IDE: variants seen among roughly 807,000 people sequenced by gnomAD.
IDE encodes the protein insulin-degrading enzyme.
A neutral mutation model predicts 133.2 loss-of-function variants in IDE; 58 were observed. The observed-to-expected ratio is 0.44, with a 90% CI of 0.35 to 0.54. The LOEUF is 0.54. Among genes scored for constraint, IDE ranks in the 20% least tolerant of loss-of-function variants. The probability of loss-of-function intolerance (pLI) is 0.00; values close to 1 mark genes in which losing one functional copy is unlikely to be tolerated. For synonymous variants in IDE, 396 were observed against 421.3 expected (o/e 0.94, Z 0.73); for missense variants, 981 against 1,234.0 (o/e 0.79, Z 3.07).
At chr10:92,508,678 G>C in intron 7 of IDE, 50 bp downstream of exon 7, 1 of 1,537,112 alleles carries the variant, frequency 6.5e-7, no homozygotes, top group South Asian at 1.1e-5. Flanking sequence ...ATGAGAGCCA[G>C]AGTGAAAAGA....
chr10:92,560,792 A>G (rs957650865), intron 1 of IDE, among the ~76,000 whole-genome samples: 1 of 151,844 alleles, frequency 6.6e-6, no homozygotes, highest in African/African-American at 2.4e-5. Context: ...CAAAAAAAAA[A>G]AAAGATTGAG....
chr10:92,472,929 G>A (rs1336854956), intron 17 of IDE, among the ~76,000 whole-genome samples: 2 of 141,468 alleles, frequency 1.4e-5, no homozygotes, highest in African/African-American at 5.3e-5. Context: ...GAGCCACCAT[G>A]CCCAGCCCAG....
intron 1 of IDE, among the ~76,000 whole-genome samples, chr10:92,541,962 C>G (rs1393213058): frequency 2.0e-5 from 3 of 152,146 alleles, no homozygotes; most frequent in African/African-American, 7.2e-5. Flanking sequence ...TGCCCAAGAT[C>G]ATACAACAAA....
rs150703862 is a variant in IDE, at chr10:92,534,981, C to T, written c.284-196G>A. ...ACTGGTTTCTAGTGCCTGCTCTTGA[C>T]GCTAATTAGTTGGTAACCTCAGGCA... is the stretch of plus-strand genomic sequence containing the variant. On this transcript the variant is annotated intron_variant, in intron 2 of 24. Coordinates refer to ENST00000265986, the MANE Select transcript of IDE (RefSeq NM_004969.4). 7.6e-3 allele frequency among the ~76,000 whole-genome samples: 1,154 copies of T among 152,266 alleles called. 16 individuals are homozygous for T. The highest frequency in any genetic ancestry group is 0.027 in the African/African-American group (1,102 of 41,544).
intron 11 of IDE, among the ~76,000 whole-genome samples, chr10:92,491,211 A>G (rs1033124873): frequency 6.6e-6 from 1 of 151,742 alleles, no homozygotes; most frequent in Non-Finnish European, 1.5e-5. Flanking sequence ...GCACTCTAGC[A>G]TGGGTGACAA....
intron 1 of IDE, among the ~76,000 whole-genome samples, chr10:92,544,506 G>A (rs997871621): frequency 6.6e-6 from 1 of 152,196 alleles, no homozygotes; most frequent in Non-Finnish European, 1.5e-5. Flanking sequence ...GCTGATTGTG[G>A]TAAAGCTGGA....
chr10:92,555,868 G>A (rs1048972624), intron 1 of IDE, among the ~76,000 whole-genome samples: 16 of 152,054 alleles, frequency 1.1e-4, no homozygotes, highest in African/African-American at 2.4e-4. Context: ...AATAAACGGC[G>A]TACAAATTAG....
In IDE at chr10:92,508,862, T is replaced by A; in HGVS notation, c.926A>T (p.Asp309Val). ...AAATGTCACATAGAGATTCCTAATA[T>A]CTTTAATGGGTACTATTTTGTAAAG... Reference protein sequence around the residue: ...KQLYKIVPIKDIRNLYVTFPI... With the variant: ...KQLYKIVPIKVIRNLYVTFPI... Residue 309 changes from aspartate to valine, a missense_variant, in exon 7 of 25, where the codon GAT (aspartate) becomes GTT (valine). Physicochemically the swap from Asp to Val is radical, Grantham distance 152. Coordinates refer to ENST00000265986, the MANE Select transcript of IDE (RefSeq NM_004969.4). 1 of 1,613,006 alleles carries A rather than the reference T, an allele frequency of 6.2e-7. No homozygotes were observed. The highest frequency in any genetic ancestry group is 1.1e-5 in the South Asian group (1 of 91,064).
At chr10:92,459,397 A>G (rs1845232997) in intron 22 of IDE, among the ~76,000 whole-genome samples, 1 of 152,246 alleles carries the variant, frequency 6.6e-6, no homozygotes, top group Non-Finnish European at 1.5e-5. Context: ...CATTCTAATG[A>G]GAACTGTAAG....
At chr10:92,463,046 G>A (rs1270403646) in intron 21 of IDE, among the ~76,000 whole-genome samples, 1 of 152,182 alleles carries the variant, frequency 6.6e-6, no homozygotes, top group Non-Finnish European at 1.5e-5. Flanking sequence ...GGCTGACAGA[G>A]TGAGATACTC....
intron 12 of IDE, 98 bp from the exon 13 acceptor site, chr10:92,487,416 A>G (rs74988692): frequency 0.015 from 15,102 of 976,564 alleles, 221 homozygotes; most frequent in South Asian, 0.048. Context: ...TAAGTGCACA[A>G]ATGTCACACA....
At chr10:92,541,478 T>C in intron 1 of IDE, 1 of 229,388 alleles carries the variant, frequency 4.4e-6, no homozygotes, top group South Asian at 4.9e-5. Context: ...TAAGCAAGCA[T>C]ACTGACAATT....
At chr10:92,464,935 G>T (rs1261072407) in intron 20 of IDE, among the ~76,000 whole-genome samples, 1 of 152,240 alleles carries the variant, frequency 6.6e-6, no homozygotes, top group Non-Finnish European at 1.5e-5. Context: ...CTCCCAAAGT[G>T]CTGGGATTAT....
intron 6 of IDE, among the ~76,000 whole-genome samples, chr10:92,509,104 CT>C (rs923677479): frequency 7.9e-5 from 12 of 152,180 alleles, no homozygotes; most frequent in African/African-American, 2.9e-4. Context: ...GTTTGACCCC[CT>C]GAACCATGCA....
chr10:92,513,964 A>T (rs576447681), intron 5 of IDE, among the ~76,000 whole-genome samples: 5 of 152,180 alleles, frequency 3.3e-5, no homozygotes, highest in Non-Finnish European at 5.9e-5. Flanking sequence ...AAAGTAGAAT[A>T]GGAAATGTTA....
At chr10:92,512,436 C>A (rs1381823781) in intron 5 of IDE, among the ~76,000 whole-genome samples, 1 of 151,996 alleles carries the variant, frequency 6.6e-6, no homozygotes, top group Non-Finnish European at 1.5e-5. Flanking sequence ...CTTATTCTGT[C>A]ATTTCCACTA....
chr10:92,516,768 T>TA (rs1848950920), intron 4 of IDE, among the ~76,000 whole-genome samples: 1 of 152,144 alleles, frequency 6.6e-6, no homozygotes, highest in Non-Finnish European at 1.5e-5. Context: ...CTAGACTGGT[T>TA]AAAAAAAGGA....
At chr10:92,570,278 G>A (rs1843725406) in intron 1 of IDE, among the ~76,000 whole-genome samples, 1 of 152,202 alleles carries the variant, frequency 6.6e-6, no homozygotes, top group African/African-American at 2.4e-5. Context: ...TAAAAGTGGA[G>A]GTGTCTAGTA....
chr10:92,467,874 A>G (rs1845776545), intron 19 of IDE, among the ~76,000 whole-genome samples: 1 of 152,238 alleles, frequency 6.6e-6, no homozygotes, highest in Admixed American at 6.5e-5. Context: ...CAACAAAGGT[A>G]TCCTGAAGTA....
Sources: allele counts gnomAD v4.1 joint callset (sites outside exome capture counted in the v4.1 genomes callset), GRCh38; gene constraint gnomAD v4.1.1; transcripts MANE v1.5; gene names NCBI Gene and HGNC (gene_info 2026-07-23, HGNC 2026-07-21).